SRCIN1: variants seen among roughly 807,000 people sequenced by gnomAD.
SRCIN1 encodes P130Cas-associated protein.
SRCIN1 carries 50 observed loss-of-function variants against 116.2 expected under a neutral mutation model. The observed-to-expected ratio is 0.43, with a 90% CI of 0.34 to 0.54. The LOEUF (loss-of-function observed/expected upper bound fraction) is 0.54, where lower values mean the gene tolerates loss of function less well. SRCIN1 is among the 20% of genes least tolerant of loss of function. The pLI is 0.02. For synonymous variants in SRCIN1, 736 were observed against 750.0 expected, an observed-to-expected ratio of 0.98 and a Z score of 0.30; for missense variants, 1,446 against 1,672.0, an observed-to-expected ratio of 0.86 and a Z score of 2.36.
chr17:38,566,942 T>C (rs1906751099), intron 3 of SRCIN1, among the ~76,000 whole-genome samples: 6 of 143,968 alleles, frequency 4.2e-5, no homozygotes, highest in Non-Finnish European at 7.6e-5. Flanking sequence ...TCTTTCTCTC[T>C]CTCTTTCTCT....
chr17:38,533,185 C>G lies in SRCIN1; in HGVS notation c.*112G>C, dbSNP rs894288788. ...GCCGCACCCTCCTCTTCAGGGCACA[C>G]CCCTCAGGGCGTCTGGAGAGTAGGG... On this transcript the variant is annotated 3_prime_UTR_variant, in exon 19 of 19. Transcript: ENST00000617146. 1 of 1,396,230 alleles carries G rather than the reference C, an allele frequency of 7.2e-7. No homozygotes were observed. Among genetic ancestry groups the G allele is most frequent in the Non-Finnish European group, 9.4e-7 (1 of 1,063,126 alleles). 86.5% of individuals were successfully genotyped at this position (1,396,230 alleles called of 1,614,324 possible). A position where few individuals can be genotyped will look rare whatever the true frequency, so the allele number is the denominator to read the frequency against.
rs1337524053 is a variant in SRCIN1, at chr17:38,585,153, G to A, written c.23-6362C>T. Among the ~76,000 whole-genome samples, 1 of 152,224 alleles carries A rather than the reference G, an allele frequency of 6.6e-6. No homozygotes were observed. Among genetic ancestry groups the A allele is most frequent in the Non-Finnish European group, 1.5e-5 (1 of 68,038 alleles). ...GGAAGCGAGGGCAGGAGGCACTCAG[G>A]GTGAAGACACCAACTCACAAGCCCA... On this transcript the variant is annotated intron_variant, in intron 1 of 18. Transcript: ENST00000617146. This position sits in a 1 kb window ranked among gnomAD's most constrained non-coding sequence, Gnocchi z 4.2.
chr17:38,598,199 AT>A (rs1462170407), intron 1 of SRCIN1, among the ~76,000 whole-genome samples: 1 of 152,068 alleles, frequency 6.6e-6, no homozygotes, highest in African/African-American at 2.4e-5. Context: ...GGGGACAAGA[AT>A]GGGGGACTCA....
In SRCIN1 at chr17:38,563,404, A is replaced by C. The variant is rs779398672; in HGVS notation, c.659T>G (p.Met220Arg). 1.9e-6 allele frequency: 3 copies of C among 1,576,768 alleles called. No homozygotes were observed. Among genetic ancestry groups the C allele is most frequent in the South Asian group, 1.2e-5 (1 of 85,698 alleles). ...IAHMFPQKLTMGMLKSPNTAI... is the reference protein window; with the variant it reads ...IAHMFPQKLTRGMLKSPNTAI... ...GGTATTGGGCGACTTAAGCATGCCC[A>C]TGGTGAGCTTCTGCGGGAACATGTG... is the stretch of plus-strand genomic sequence containing the variant. Residue 220 changes from methionine (M) to arginine (R), a missense_variant, in exon 5 of 19, where the codon ATG becomes AGG. Physicochemically the swap from Met to Arg is moderately conservative, Grantham distance 91. Around this residue, in one of 5 missense-constraint regions of SRCIN1, gnomAD observed 32 missense variants for 69.7 expected, o/e 0.46. Coordinates refer to ENST00000617146, the MANE Select transcript of SRCIN1 (RefSeq NM_025248.3). This position sits in a 1 kb window ranked among gnomAD's most constrained non-coding sequence, Gnocchi z 5.8.
rs79154508 is a variant in SRCIN1 at position 38,533,095 on chromosome 17, T to TAAAAA, written c.*197_*201dup. ...AAAAAGATAATTAAAAGTTAATTGTTAAAAAAAAAAAAAAAAACAAAACCA... is the reference window on the plus strand; with the variant it reads ...AAAAAGATAATTAAAAGTTAATTGTTAAAAAAAAAAAAAAAAAAAAAACAAAACCA... On this transcript the variant is annotated 3_prime_UTR_variant, in exon 19 of 19. Transcript: ENST00000617146. 176 of 260,352 alleles carry TAAAAA rather than the reference T, an allele frequency of 6.8e-4. No individual in the cohort carries two copies. The highest frequency in any genetic ancestry group is 1.3e-3 in the South Asian group (7 of 5,384). The allele number at this position is 260,352 out of a possible 1,614,324, so 16.1% of individuals were successfully genotyped here.
intron 1 of SRCIN1, among the ~76,000 whole-genome samples, chr17:38,584,219 TG>T (rs1325737934): frequency 6.6e-6 from 1 of 152,030 alleles, no homozygotes; most frequent in Non-Finnish European, 1.5e-5. Context: ...GATACCCTGG[TG>T]GAGGGGCGTT....
In SRCIN1 at chr17:38,551,778, C is replaced by A. The variant is rs560596255; in HGVS notation, c.2727+108G>T. On this transcript the variant is annotated intron_variant, in intron 14 of 18. Coordinates refer to ENST00000617146, the MANE Select transcript of SRCIN1 (RefSeq NM_025248.3). Reference sequence around the variant, plus strand: ...TCCATTAGGGCACTGGCCCTCCTCCCCCAAGGAAAAAGACCCACAGGATTG... The same window carrying A: ...TCCATTAGGGCACTGGCCCTCCTCCACCAAGGAAAAAGACCCACAGGATTG... 1.9e-6 allele frequency: 3 copies of A among 1,584,712 alleles called. No homozygotes were observed. The African/African-American group carries it at 4.0e-5, about 21-fold the overall frequency.
Position 38,549,223 on chromosome 17 carries a change from A to T in SRCIN1, c.2963-13T>A. ...ACGGTCAACTCATCTGCAGGCACCA[A>T]GGGGCTGGGGGTCAGCAGGCCTGCA... On this transcript the variant is annotated splice_polypyrimidine_tract_variant and intron_variant, in intron 15 of 18. Coordinates refer to ENST00000617146, the MANE Select transcript of SRCIN1 (RefSeq NM_025248.3). The T allele has an allele frequency of 6.6e-7, 1 of 1,507,730 alleles. No homozygotes were observed. The highest frequency in any genetic ancestry group is 8.8e-7 in the Non-Finnish European group (1 of 1,132,530). 93.4% of individuals were successfully genotyped at this position (1,507,730 alleles called of 1,614,324 possible).
At chr17:38,548,825 C>A in intron 16 of SRCIN1, 116 bp from the exon 17 acceptor site, 1 of 1,389,874 alleles carries the variant, frequency 7.2e-7, no homozygotes, top group Non-Finnish European at 9.5e-7. Context: ...TCTGCTGCTA[C>A]ACCCCTGCCA....
intron 18 of SRCIN1, chr17:38,542,740 C>T (rs890498224): frequency 1.9e-5 from 4 of 212,844 alleles, no homozygotes; most frequent in South Asian, 7.7e-5. Flanking sequence ...TCCTAGGTCC[C>T]GATCCTGGCT....
At chr17:38,571,113 C>T (rs1178504623) in intron 2 of SRCIN1, among the ~76,000 whole-genome samples, 1 of 152,156 alleles carries the variant, frequency 6.6e-6, no homozygotes, top group African/African-American at 2.4e-5. Flanking sequence ...GGGATATCAT[C>T]CATCCCCTTC....
chr17:38,548,854 A>T (rs1461474061), intron 16 of SRCIN1, 145 bp from the exon 17 acceptor site: 2 of 1,307,162 alleles, frequency 1.5e-6, no homozygotes, highest in East Asian at 5.1e-5. Context: ...CTCAACAGAC[A>T]GGGGCCTGGC....
chr17:38,535,787 T>G (rs891975775), intron 18 of SRCIN1, among the ~76,000 whole-genome samples: 2 of 152,130 alleles, frequency 1.3e-5, no homozygotes, highest in Non-Finnish European at 2.9e-5. Flanking sequence ...CAAAGCCAGG[T>G]GAGAGGGAAG....
At chr17:38,543,330 A>T (rs1904865633) in intron 18 of SRCIN1, among the ~76,000 whole-genome samples, 1 of 152,236 alleles carries the variant, frequency 6.6e-6, no homozygotes, top group Non-Finnish European at 1.5e-5. Flanking sequence ...GCTAAGAGGG[A>T]GACCAGGATG....
chr17:38,545,803 G>C (rs972666765), intron 17 of SRCIN1, among the ~76,000 whole-genome samples: 1 of 152,214 alleles, frequency 6.6e-6, no homozygotes, highest in Non-Finnish European at 1.5e-5. Context: ...ACACCAAGGT[G>C]GGGCCGGTGG....
rs1904929402 is a variant in SRCIN1 at position 38,544,122 on chromosome 17, G to A, written c.3271-153C>T. Among the ~76,000 whole-genome samples, 1 of 152,114 alleles carries A rather than the reference G, an allele frequency of 6.6e-6. No homozygotes were observed. On this transcript the variant is annotated intron_variant, in intron 17 of 18. Transcript: ENST00000617146. The surrounding 1 kb of genome is among the most constrained non-coding windows in gnomAD (Gnocchi z 4.5). ...CTCTCTAGCTCCACACCCGAGTCCA[G>A]AACCCAGGTCCACCCTCTCAGTCCC...
At chr17:38,566,605 A>G (rs913495768) in intron 3 of SRCIN1, among the ~76,000 whole-genome samples, 4 of 152,202 alleles carry the variant, frequency 2.6e-5, no homozygotes, top group Non-Finnish European at 5.9e-5. Flanking sequence ...TCCATAGACT[A>G]GGGAAGAATC....
At chr17:38,601,395 G>A (rs1293961128) in intron 1 of SRCIN1, among the ~76,000 whole-genome samples, 3 of 152,158 alleles carry the variant, frequency 2.0e-5, no homozygotes, top group Admixed American at 6.5e-5. Flanking sequence ...CTCCCTTACC[G>A]CCTCTGCACC....
chr17:38,601,607 G>T (rs1004893822), intron 1 of SRCIN1, among the ~76,000 whole-genome samples: 1 of 151,760 alleles, frequency 6.6e-6, no homozygotes, highest in Non-Finnish European at 1.5e-5. Flanking sequence ...TGTGGGGAGG[G>T]GGATGGCGCC....
Sources: gnomAD v4.1 joint callset for allele counts (sites outside exome capture counted in the v4.1 genomes callset) on GRCh38, gnomAD v4.1.1 for gene constraint, gnomAD v4.1.1 regional missense constraint, Gnocchi (gnomAD v3.1) non-coding constraint, MANE v1.5 for transcripts, NCBI Gene and HGNC (gene_info 2026-07-23, HGNC 2026-07-21) for gene names.